The following IL1RL1 variants were observed in gnomAD, a reference collection of about 807,000 sequenced individuals.
The protein encoded by IL1RL1 is interleukin-1 receptor-like 1.
IL1RL1 carries 32 observed loss-of-function variants against 50.9 expected under a neutral mutation model. The ratio of observed to expected loss-of-function variants is 0.63; its 90% CI spans 0.47 to 0.84. The LOEUF is 0.84. Among genes scored for constraint, IL1RL1 ranks in the 40% least tolerant of loss-of-function variants. The pLI is 0.00. For missense variants in IL1RL1, 773 were observed against 662.9 expected, an observed-to-expected ratio of 1.17 and a Z score of -1.82; for synonymous variants, 275 against 236.0, an observed-to-expected ratio of 1.17 and a Z score of -1.51.
intron 5 of IL1RL1, 64 bp from the exon 6 acceptor site, chr2:102,342,159 A>G: frequency 8.6e-7 from 1 of 1,157,798 alleles, no homozygotes; most frequent in Non-Finnish European, 1.3e-6. Flanking sequence ...ACATGAAAAT[A>G]CAAGCTTTAT....
intron 1 of IL1RL1, among the ~76,000 whole-genome samples, chr2:102,323,259 A>ATG (rs931916305): frequency 2.2e-5 from 2 of 89,496 alleles, no homozygotes; most frequent in African/African-American, 8.2e-5. Flanking sequence ...ATATATATAT[A>ATG]TATATATATA....
At chr2:102,320,941 A>C (rs1676819309) in intron 1 of IL1RL1, among the ~76,000 whole-genome samples, 1 of 152,224 alleles carries the variant, frequency 6.6e-6, no homozygotes, top group African/African-American at 2.4e-5. Context: ...TCTTCATCAC[A>C]CTTAATAAAA....
chr2:102,350,480 C>CCTTTCATT (rs1677897354), intron 10 of IL1RL1, among the ~76,000 whole-genome samples: 1 of 152,258 alleles, frequency 6.6e-6, no homozygotes, highest in Admixed American at 6.5e-5. Flanking sequence ...CTTTCCTCAA[C>CCTTTCATT]CAAAATAAAT....
rs557984673 is a variant in IL1RL1, at chr2:102,315,442, T to C, written c.-150+3819T>C. Among the ~76,000 whole-genome samples the C allele has an allele frequency of 4.6e-5, 7 of 152,304 alleles. No individual in the cohort carries two copies. In the East Asian group the frequency reaches 1.3e-3, roughly 29 times the overall value. Reference sequence around the variant, plus strand: ...TTGATTTACCATCTGAGCAGAGATCTCAAACTATAAAGAAAATCAGAGTCT... The same window carrying C: ...TTGATTTACCATCTGAGCAGAGATCCCAAACTATAAAGAAAATCAGAGTCT... On this transcript the variant is annotated intron_variant, in intron 1 of 10. Transcript: ENST00000233954.
chr2:102,341,169 T>C, intron 5 of IL1RL1: 1 of 313,630 alleles, frequency 3.2e-6, no homozygotes. Context: ...CAAAACCAGC[T>C]TTTTTTTTTT....
In IL1RL1 at chr2:102,343,154, A is replaced by T. The variant is rs776600848; in HGVS notation, c.801A>T (p.Gln267His). Residue 267 changes from glutamine (Q) to histidine (H), a missense_variant, in exon 7 of 11, where the codon CAA becomes CAT. By Grantham distance (24) the Gln-to-His change is conservative. Transcript: ENST00000233954. ...CAGACTTTGGTGAACCAAGAATTCAACAAGAGGAAGGGCAAAATCAAAGGT... is the reference window on the plus strand; with the variant it reads ...CAGACTTTGGTGAACCAAGAATTCATCAAGAGGAAGGGCAAAATCAAAGGT... Reference protein sequence around the residue: ...KITDFGEPRIQQEEGQNQSFS... With the variant: ...KITDFGEPRIHQEEGQNQSFS... 5.6e-6 allele frequency: 9 copies of T among 1,614,158 alleles called. No homozygotes were observed. The highest frequency in any genetic ancestry group is 3.4e-6 in the Non-Finnish European group (4 of 1,179,996).
chr2:102,312,646 T>G (rs1021175554), intron 1 of IL1RL1, among the ~76,000 whole-genome samples: 1 of 151,346 alleles, frequency 6.6e-6, no homozygotes, highest in Non-Finnish European at 1.5e-5. Context: ...AAGAAGAAAA[T>G]AGAGAACGGA....
intron 1 of IL1RL1, among the ~76,000 whole-genome samples, chr2:102,325,514 C>T (rs1193393663): frequency 7.2e-5 from 11 of 152,158 alleles, no homozygotes; most frequent in Non-Finnish European, 1.3e-4. Flanking sequence ...ATGACTTTGA[C>T]GAGTTGAGAG....
At chr2:102,312,042 T>C (rs1433136985) in intron 1 of IL1RL1, among the ~76,000 whole-genome samples, 1 of 76,152 alleles carries the variant, frequency 1.3e-5, no homozygotes, top group African/African-American at 6.0e-5. Context: ...ATATTAAATA[T>C]TATATATATA....
chr2:102,341,354 T>G (rs1169847525), intron 5 of IL1RL1: 1 of 1,214,446 alleles, frequency 8.2e-7, no homozygotes, highest in South Asian at 1.5e-5. Context: ...ATCAATGGCC[T>G]TGAGTAAGTC....
chr2:102,341,496 A>T, intron 5 of IL1RL1: 1 of 267,578 alleles, frequency 3.7e-6, no homozygotes, highest in Non-Finnish European at 6.1e-6. Context: ...CGATCTACAG[A>T]CGTAGATGTA....
intron 3 of IL1RL1, chr2:102,339,591 T>G (rs1260186621): frequency 6.4e-6 from 1 of 155,058 alleles, no homozygotes; most frequent in African/African-American, 2.4e-5. Flanking sequence ...GTTAAGGGCC[T>G]AGGTCTGAGA....
intron 5 of IL1RL1, among the ~76,000 whole-genome samples, 161 bp from the exon 6 acceptor site, chr2:102,342,046 CGTGTGTGTGTGTGTGT>C (rs67962088): frequency 1.3e-3 from 185 of 144,170 alleles, no homozygotes; most frequent in African/African-American, 3.3e-3. Flanking sequence ...CTTTCTGTTT[CGTGTGTGTGTGTGTGT>C]GTGTGTGTGT....
intron 8 of IL1RL1, chr2:102,345,838 G>A: frequency 1.0e-6 from 1 of 985,400 alleles, no homozygotes; most frequent in African/African-American, 1.7e-5. Flanking sequence ...GGCCATGCTT[G>A]GGGTGGTGGT....
intron 5 of IL1RL1, chr2:102,341,362 G>A (rs936078274): frequency 2.2e-5 from 26 of 1,191,386 alleles, no homozygotes; most frequent in African/African-American, 6.6e-5. Flanking sequence ...CCTTGAGTAA[G>A]TCACTTCATT....
chr2:102,343,329 A>G lies in IL1RL1; in HGVS notation c.884A>G (p.Glu295Gly). The G allele has an allele frequency of 6.2e-7, 1 of 1,614,244 alleles. No individual in the cohort carries two copies. The highest frequency in any genetic ancestry group is 8.5e-7 in the Non-Finnish European group (1 of 1,180,048). The change falls in exon 8 of 11, where the codon GAG becomes GGG. Residue 295 changes from glutamate (E) to glycine (G), a missense_variant. Coordinates refer to ENST00000233954, the MANE Select transcript of IL1RL1 (RefSeq NM_016232.5). The stretch of plus-strand genomic sequence containing the variant: ...TTAAGAATAGCTGACGTGAAGGAAG[A>G]GGATTTATTGCTGCAGTACGACTGT... The part of the protein sequence containing the change: ...MVLRIADVKE[E>G]DLLLQYDCLA...
At chr2:102,349,335 A>G in intron 10 of IL1RL1, 89 bp downstream of exon 10, 1 of 1,021,398 alleles carries the variant, frequency 9.8e-7, no homozygotes. Context: ...TGGATAATGA[A>G]TTGCATTTAC....
intron 1 of IL1RL1, among the ~76,000 whole-genome samples, chr2:102,323,841 C>T (rs1184310172): frequency 1.3e-5 from 2 of 152,292 alleles, no homozygotes; most frequent in Non-Finnish European, 2.9e-5. Flanking sequence ...ACATATTCCA[C>T]AAATCTCTCT....
intron 1 of IL1RL1, among the ~76,000 whole-genome samples, chr2:102,318,060 C>A (rs1286817620): frequency 6.6e-6 from 1 of 152,056 alleles, no homozygotes; most frequent in East Asian, 1.9e-4. Flanking sequence ...GTGACAGACC[C>A]CCAGGGGGTC....
Sources: gnomAD v4.1 joint callset for allele counts (sites outside exome capture counted in the v4.1 genomes callset) on GRCh38, gnomAD v4.1.1 for gene constraint, MANE v1.5 for transcripts, NCBI Gene and HGNC (gene_info 2026-07-23, HGNC 2026-07-21) for gene names.